The following CNTNAP5 variants were observed in gnomAD, a reference collection of about 807,000 sequenced individuals.
The protein encoded by CNTNAP5 is contactin-associated protein-like 5.
A neutral mutation model predicts 150.2 loss-of-function variants in CNTNAP5; 72 were observed. The ratio of observed to expected loss-of-function variants is 0.48; its 90% CI spans 0.40 to 0.58. The LOEUF (loss-of-function observed/expected upper bound fraction) is 0.58. CNTNAP5 is among the 20% of genes least tolerant of loss of function. CNTNAP5 has a pLI of 0.00. For missense variants in CNTNAP5, 1,636 were observed against 1,626.2 expected, an observed-to-expected ratio of 1.01 and a Z score of -0.10; for synonymous variants, 672 against 619.8, an observed-to-expected ratio of 1.08 and a Z score of -1.25.
chr2:124,473,423 A>C (rs566430604), intron 6 of CNTNAP5, among the ~76,000 whole-genome samples: 1 of 152,190 alleles, frequency 6.6e-6, no homozygotes, highest in South Asian at 2.1e-4. Flanking sequence ...ATTCTCTTTA[A>C]AAATTAAAGT....
chr2:124,546,213 C>A (rs1452231993), intron 10 of CNTNAP5, among the ~76,000 whole-genome samples: 3 of 152,026 alleles, frequency 2.0e-5, no homozygotes, highest in African/African-American at 7.2e-5. Context: ...ATAATACAGG[C>A]TCATCTAAAT....
At chr2:124,188,920 C>T (rs1182805431) in intron 1 of CNTNAP5, among the ~76,000 whole-genome samples, 27 of 152,064 alleles carry the variant, frequency 1.8e-4, no homozygotes, top group Non-Finnish European at 1.5e-5. Flanking sequence ...GGTTTCACAT[C>T]TGGGTTTCTT....
intron 3 of CNTNAP5, among the ~76,000 whole-genome samples, chr2:124,372,079 G>A (rs1011187592): frequency 1.3e-5 from 2 of 151,982 alleles, no homozygotes; most frequent in African/African-American, 4.8e-5. Context: ...CTGCCAGCCT[G>A]GCTAACAGAA....
intron 3 of CNTNAP5, among the ~76,000 whole-genome samples, chr2:124,339,973 A>C (rs1210157889): frequency 6.6e-6 from 1 of 152,162 alleles, no homozygotes; most frequent in Non-Finnish European, 1.5e-5. Context: ...AATTTGCAAT[A>C]GAGATGTTAT....
chr2:124,485,631 A>AAAAAAAAAAAAGAAGAAG (rs1457112306), intron 7 of CNTNAP5, among the ~76,000 whole-genome samples: 21 of 134,184 alleles, frequency 1.6e-4, no homozygotes, highest in South Asian at 8.3e-4. Flanking sequence ...AAAAAAAAAA[A>AAAAAAAAAAAAGAAGAAG]AAAGAAGAAG....
chr2:124,622,144 AGT>A lies in CNTNAP5; in HGVS notation c.1876+12231_1876+12232del, dbSNP rs374210343. 3.6e-4 allele frequency among the ~76,000 whole-genome samples: 54 copies of A among 147,974 alleles called. 1 individual carries two copies. The highest frequency in any genetic ancestry group is 1.2e-3 in the African/African-American group (50 of 40,340). ...GAACCCCCACCCTTTGACAAGCTCC[AGT>A]GTGTGTTGTTCCCCCTCCATGTGTC... On this transcript the variant is annotated intron_variant, in intron 12 of 23. Transcript: ENST00000682447.
At chr2:124,468,161 C>T (rs1185856275) in intron 6 of CNTNAP5, among the ~76,000 whole-genome samples, 2 of 152,052 alleles carry the variant, frequency 1.3e-5, no homozygotes, top group African/African-American at 4.8e-5. Flanking sequence ...AGGGACAGAA[C>T]TAATAGGATA....
chr2:124,522,622 A>G (rs72968750), intron 8 of CNTNAP5, among the ~76,000 whole-genome samples: 139 of 152,344 alleles, frequency 9.1e-4, no homozygotes, highest in Middle Eastern at 3.4e-3. Context: ...CCATGCCCAG[A>G]GATGCTGATG....
At chr2:124,295,203 C>CT (rs71394033) in intron 3 of CNTNAP5, among the ~76,000 whole-genome samples, 2,109 of 137,914 alleles carry the variant, frequency 0.015, 19 homozygotes, top group Non-Finnish European at 0.022. Flanking sequence ...AGGTTGATTT[C>CT]TTTTTTTTTT....
intron 13 of CNTNAP5, among the ~76,000 whole-genome samples, chr2:124,703,303 G>T (rs1679565512): frequency 6.6e-6 from 1 of 150,548 alleles, no homozygotes; most frequent in Non-Finnish European, 1.5e-5. Context: ...AAGAATCATT[G>T]GTTTTTAGAA....
chr2:124,611,788 A>G lies in CNTNAP5; in HGVS notation c.1876+1868A>G, dbSNP rs79803507. Among the ~76,000 whole-genome samples the G allele has an allele frequency of 5.9e-5, 9 of 152,330 alleles. No homozygotes were observed. In the East Asian group the frequency reaches 1.7e-3, roughly 29 times the overall value. ...GATAAATGCCCACTGCTGAGTGGCCAGGTGTGACTTGTAATAATAAGAGTG... is the reference window on the plus strand; with the variant it reads ...GATAAATGCCCACTGCTGAGTGGCCGGGTGTGACTTGTAATAATAAGAGTG... On this transcript the variant is annotated intron_variant, in intron 12 of 23. Transcript: ENST00000682447.
chr2:124,340,648 A>G (rs1689586830), intron 3 of CNTNAP5, among the ~76,000 whole-genome samples: 1 of 151,876 alleles, frequency 6.6e-6, no homozygotes, highest in African/African-American at 2.4e-5. Flanking sequence ...GATAAAGTCC[A>G]GGCTCACAGG....
intron 1 of CNTNAP5, among the ~76,000 whole-genome samples, chr2:124,042,547 G>A (rs543207198): frequency 7.2e-5 from 11 of 152,198 alleles, no homozygotes; most frequent in African/African-American, 2.4e-4. Flanking sequence ...CTGGACTTGG[G>A]GTACGTATCC....
chr2:124,746,217 C>T (rs946992352), intron 13 of CNTNAP5, among the ~76,000 whole-genome samples: 2 of 152,164 alleles, frequency 1.3e-5, no homozygotes, highest in African/African-American at 2.4e-5. Flanking sequence ...ATCCTTCAGC[C>T]TAATGATGTA....
intron 1 of CNTNAP5, among the ~76,000 whole-genome samples, chr2:124,120,907 G>A (rs1573768449): frequency 6.6e-6 from 1 of 152,090 alleles, no homozygotes; most frequent in African/African-American, 2.4e-5. Flanking sequence ...TTTAAGTTGA[G>A]GAAGGCATGT....
chr2:124,432,214 G>A (rs932778444), intron 4 of CNTNAP5, among the ~76,000 whole-genome samples: 9 of 152,186 alleles, frequency 5.9e-5, no homozygotes, highest in Non-Finnish European at 2.9e-5. Flanking sequence ...CATGAATAAT[G>A]ATGGAATTGA....
chr2:124,721,197 G>A lies in CNTNAP5; in HGVS notation c.2078-26032G>A, dbSNP rs11123060. Reference sequence around the variant, plus strand: ...TTGTTTATTTACAAGAATTAAATGCGGCTGGGCACTGAGGCTTATGCCTGT... The same window carrying A: ...TTGTTTATTTACAAGAATTAAATGCAGCTGGGCACTGAGGCTTATGCCTGT... On this transcript the variant is annotated intron_variant, in intron 13 of 23. Transcript: ENST00000682447. Among the ~76,000 whole-genome samples, 599 of 152,204 alleles carry A rather than the reference G, an allele frequency of 3.9e-3. 1 individual carries two copies. The highest frequency in any genetic ancestry group is 5.1e-3 in the African/African-American group (212 of 41,546).
intron 13 of CNTNAP5, among the ~76,000 whole-genome samples, chr2:124,730,890 A>C (rs992808985): frequency 2.0e-5 from 3 of 152,092 alleles, no homozygotes; most frequent in Non-Finnish European, 4.4e-5. Flanking sequence ...TGGGGCTGTG[A>C]AATAGGAGAT....
Position 124,473,927 on chromosome 2 carries a change from A to G in CNTNAP5, c.919-812A>G, listed in dbSNP as rs140078815. ...CCGCTAGTATCTCATAACCTTTCCA[A>G]AGTGAACCACTATTAAATTAGGTTG... On this transcript the variant is annotated intron_variant, in intron 6 of 23. Transcript: ENST00000682447. 3.3e-3 allele frequency among the ~76,000 whole-genome samples: 508 copies of G among 152,142 alleles called. 3 individuals are homozygous for G. The highest frequency in any genetic ancestry group is 5.8e-3 in the Non-Finnish European group (394 of 67,922).
Sources: gnomAD v4.1 joint callset for allele counts (sites outside exome capture counted in the v4.1 genomes callset) on GRCh38, gnomAD v4.1.1 for gene constraint, MANE v1.5 for transcripts, NCBI Gene and HGNC (gene_info 2026-07-23, HGNC 2026-07-21) for gene names.